The following ADAMTS3 variants were observed in gnomAD, a reference collection of about 807,000 sequenced individuals.
The protein encoded by ADAMTS3 is A disintegrin and metalloproteinase with thrombospondin motifs 3.
Under a neutral mutation model 129.0 loss-of-function variants are expected in ADAMTS3, and 73 were observed. The ratio of observed to expected loss-of-function variants is 0.57; its 90% CI spans 0.47 to 0.69. The LOEUF is 0.69. ADAMTS3 is among the 30% of genes least tolerant of loss of function. The pLI is 0.00. For synonymous variants in ADAMTS3, 477 were observed against 510.8 expected (o/e 0.93, Z 0.89); for missense variants, 1,457 against 1,514.5 (o/e 0.96, Z 0.63).
chr4:72,492,886 C>A (rs1377211057), intron 3 of ADAMTS3, among the ~76,000 whole-genome samples: 1 of 151,802 alleles, frequency 6.6e-6, no homozygotes, highest in Non-Finnish European at 1.5e-5. Context: ...AAAACATTAT[C>A]TAAATATTTA....
chr4:72,315,018 A>G (rs1031052572), intron 11 of ADAMTS3, among the ~76,000 whole-genome samples: 1 of 152,140 alleles, frequency 6.6e-6, no homozygotes, highest in Admixed American at 6.5e-5. Context: ...CACTCAGCCA[A>G]TTTCTGAGCA....
chr4:72,344,827 T>A (rs1720238226), intron 4 of ADAMTS3, among the ~76,000 whole-genome samples: 1 of 152,048 alleles, frequency 6.6e-6, no homozygotes, highest in African/African-American at 2.4e-5. Context: ...GGAGTGTGAC[T>A]CCCCAGTGAC....
At chr4:72,400,324 GTATATATACACACGGTGTGTA>G (rs1560501837) in intron 4 of ADAMTS3, among the ~76,000 whole-genome samples, 1 of 133,712 alleles carries the variant, frequency 7.5e-6, no homozygotes, top group Non-Finnish European at 1.6e-5. Context: ...CATGGTGTGT[GTATATATACACACGGTGTGTA>G]TATATACGTG....
At chr4:72,347,639 T>C (rs1261745128) in intron 4 of ADAMTS3, among the ~76,000 whole-genome samples, 1 of 152,112 alleles carries the variant, frequency 6.6e-6, no homozygotes, top group East Asian at 1.9e-4. Flanking sequence ...CACATTTTAC[T>C]GCTCTAAACA....
At chr4:72,390,807 A>G (rs1195860164) in intron 4 of ADAMTS3, among the ~76,000 whole-genome samples, 6 of 152,116 alleles carry the variant, frequency 3.9e-5, no homozygotes, top group African/African-American at 1.4e-4. Context: ...TAAAAACAAA[A>G]ATAAAACATA....
rs139803335 is a variant in ADAMTS3, at chr4:72,455,893, T to C, written c.505-40922A>G. Among the ~76,000 whole-genome samples, 877 of 108,734 alleles carry C rather than the reference T, an allele frequency of 8.1e-3. 27 individuals are homozygous for C. The highest frequency in any genetic ancestry group is 0.02 in the African/African-American group (604 of 29,626). The allele number at this position is 108,734 out of a possible 152,430, so 71.3% of individuals were successfully genotyped here. A position where few individuals can be genotyped will look rare whatever the true frequency, so the allele number is the denominator to read the frequency against. On this transcript the variant is annotated intron_variant, in intron 3 of 21. Transcript: ENST00000286657. The stretch of plus-strand genomic sequence containing the variant: ...CACTGTATATACTATATATATTTTA[T>C]ATATAGTATATACACTGTATATATA...
At chr4:72,343,283 G>A (rs1720187985) in intron 4 of ADAMTS3, among the ~76,000 whole-genome samples, 1 of 152,092 alleles carries the variant, frequency 6.6e-6, no homozygotes, top group African/African-American at 2.4e-5. Flanking sequence ...GACATGCCTA[G>A]CCCCCAGGTA....
At chr4:72,438,610 T>C (rs1160274251) in intron 3 of ADAMTS3, among the ~76,000 whole-genome samples, 2 of 151,734 alleles carry the variant, frequency 1.3e-5, no homozygotes, top group African/African-American at 4.8e-5. Context: ...ATACCTCTCA[T>C]AGCCTCTGGA....
At chr4:72,480,659 A>G (rs1350849503) in intron 3 of ADAMTS3, among the ~76,000 whole-genome samples, 1 of 151,814 alleles carries the variant, frequency 6.6e-6, no homozygotes, top group African/African-American at 2.4e-5. Flanking sequence ...ACTAACCTGC[A>G]CATTGTGCAC....
At position 72,283,597 on chromosome 4, in the gene ADAMTS3, G is replaced by C. The variant is rs201820778; in HGVS notation, c.3157C>G (p.Arg1053Gly). ...TATGGTGGTGGCAGGGTGCTACTGC[G>C]CTTGCTGCAGGACTCACAACATAAC... The part of the protein sequence containing the change: ...NKLCCESCSK[R>G]SSTLPPPYLL... Residue 1053 changes from arginine (R) to glycine (G), a missense_variant, in exon 22 of 22, where the codon CGC becomes GGC. Transcript: ENST00000286657. The C allele has an allele frequency of 6.2e-7, 1 of 1,613,948 alleles. No individual in the cohort carries two copies. Among genetic ancestry groups the C allele is most frequent in the Non-Finnish European group, 8.5e-7 (1 of 1,179,930 alleles).
intron 4 of ADAMTS3, among the ~76,000 whole-genome samples, chr4:72,378,823 G>T (rs1257868072): frequency 6.6e-6 from 1 of 152,128 alleles, no homozygotes; most frequent in East Asian, 1.9e-4. Flanking sequence ...TTTAATTCAG[G>T]CTCTCACAAA....
intron 21 of ADAMTS3, among the ~76,000 whole-genome samples, 192 bp downstream of exon 21, chr4:72,288,553 CATGATA>C (rs966990728): frequency 6.6e-6 from 1 of 152,134 alleles, no homozygotes; most frequent in African/African-American, 2.4e-5. Context: ...CTATAGTGAT[CATGATA>C]ATTAAAAAGT....
At chr4:72,453,218 C>A (rs1383941) in intron 3 of ADAMTS3, among the ~76,000 whole-genome samples, 101,924 of 151,686 alleles carry the variant, frequency 0.67, 34,841 homozygotes, top group South Asian at 0.81. Flanking sequence ...ATCTGCATTT[C>A]TTAGAGGTTC....
At position 72,567,244 on chromosome 4, in the gene ADAMTS3, T is replaced by C. The variant is rs1722039936; in HGVS notation, c.97+130A>G. On this transcript the variant is annotated intron_variant, in intron 2 of 21. Coordinates refer to ENST00000286657, the MANE Select transcript of ADAMTS3 (RefSeq NM_014243.3). ...AGAAAGAGGAAGAGAAGAACAGAAA[T>C]GTTTCCGGACTACAGATTATTTTTT... 3 of 903,346 alleles carry C rather than the reference T, an allele frequency of 3.3e-6. No homozygotes were observed. In the South Asian group the frequency reaches 4.8e-5, roughly 14 times the overall value. The allele number at this position is 903,346 out of a possible 1,614,324, so 56.0% of individuals were successfully genotyped here.
intron 3 of ADAMTS3, among the ~76,000 whole-genome samples, chr4:72,483,042 G>A (rs1436262008): frequency 2.0e-5 from 3 of 152,074 alleles, no homozygotes; most frequent in Non-Finnish European, 2.9e-5. Context: ...TACAGCTAAC[G>A]TCCTATCAAC....
chr4:72,432,942 T>C (rs1033658699), intron 3 of ADAMTS3, among the ~76,000 whole-genome samples: 1 of 151,962 alleles, frequency 6.6e-6, no homozygotes, highest in Admixed American at 6.6e-5. Flanking sequence ...AAACTAGTTC[T>C]ACATTGGAAC....
At chr4:72,360,756 C>T (rs1388115197) in intron 4 of ADAMTS3, among the ~76,000 whole-genome samples, 1 of 152,000 alleles carries the variant, frequency 6.6e-6, no homozygotes, top group African/African-American at 2.4e-5. Context: ...TCCATTTAAG[C>T]TATTCTTTCA....
intron 4 of ADAMTS3, among the ~76,000 whole-genome samples, chr4:72,368,092 C>T (rs748450526): frequency 4.6e-4 from 70 of 152,128 alleles, no homozygotes; most frequent in Admixed American, 1.1e-3. Flanking sequence ...AACATGTTCT[C>T]ATATTCATGT....
At chr4:72,454,883 C>A (rs1718501106) in intron 3 of ADAMTS3, among the ~76,000 whole-genome samples, 2 of 151,582 alleles carry the variant, frequency 1.3e-5, no homozygotes, top group Non-Finnish European at 3.0e-5. Context: ...AATACTTAGT[C>A]AAAATGGAAA....
Sources: gnomAD v4.1 joint callset for allele counts (sites outside exome capture counted in the v4.1 genomes callset) on GRCh38, gnomAD v4.1.1 for gene constraint, MANE v1.5 for transcripts, NCBI Gene and HGNC (gene_info 2026-07-23, HGNC 2026-07-21) for gene names.